The following NRG3 variants were observed in gnomAD, a reference collection of about 807,000 sequenced individuals.
NRG3 encodes the protein pro-neuregulin-3, membrane-bound isoform.
In NRG3, 31 loss-of-function variants were observed where a neutral mutation model predicts 66.9. That is an observed-to-expected ratio of 0.46 (90% CI 0.35 to 0.63). The LOEUF (loss-of-function observed/expected upper bound fraction) is 0.63, where lower values mean the gene tolerates loss of function less well. NRG3 is among the 20% of genes least tolerant of loss of function. NRG3 has a pLI of 0.00. For missense variants in NRG3, 910 were observed against 878.9 expected (o/e 1.04, Z -0.45); for synonymous variants, 393 against 359.4 (o/e 1.09, Z -1.06).
chr10:82,534,352 G>C (rs1022065231), intron 2 of NRG3, among the ~76,000 whole-genome samples: 2 of 151,446 alleles, frequency 1.3e-5, no homozygotes, highest in Non-Finnish European at 2.9e-5. Context: ...CAACCTCCGC[G>C]CTCCCGGGTT....
chr10:82,601,114 A>G (rs2133395318), intron 2 of NRG3, among the ~76,000 whole-genome samples: 1 of 152,286 alleles, frequency 6.6e-6, no homozygotes, highest in Admixed American at 6.5e-5. Context: ...TTGCTGCAAA[A>G]GATATGATTT....
At chr10:82,761,972 CTTT>C (rs1173006322) in intron 3 of NRG3, among the ~76,000 whole-genome samples, 1 of 59,160 alleles carries the variant, frequency 1.7e-5, no homozygotes, top group African/African-American at 6.3e-5. Context: ...TTCTTTCTTT[CTTT>C]TCTTTCTTTC....
intron 2 of NRG3, among the ~76,000 whole-genome samples, chr10:82,479,618 C>T (rs1352077934): frequency 1.1e-4 from 15 of 130,674 alleles, no homozygotes; most frequent in African/African-American, 4.1e-4. Flanking sequence ...GAGCCGAGGT[C>T]GCGCCATTGC....
intron 1 of NRG3, among the ~76,000 whole-genome samples, chr10:82,085,996 T>G (rs1270446643): frequency 1.3e-5 from 2 of 152,102 alleles, no homozygotes; most frequent in Non-Finnish European, 2.9e-5. Flanking sequence ...GGATTAAATA[T>G]TCAACAAATG....
intron 4 of NRG3, among the ~76,000 whole-genome samples, chr10:82,936,637 T>C (rs1177842525): frequency 2.0e-5 from 3 of 152,168 alleles, no homozygotes; most frequent in Non-Finnish European, 4.4e-5. Flanking sequence ...GATAACCATG[T>C]GAGGTAATGT....
chr10:82,804,498 G>A (rs1429593041), intron 3 of NRG3, among the ~76,000 whole-genome samples: 1 of 152,136 alleles, frequency 6.6e-6, no homozygotes, highest in Non-Finnish European at 1.5e-5. Context: ...TCCACAGGGG[G>A]TCGAGGATAA....
chr10:82,011,717 G>T (rs1331994179), intron 1 of NRG3, among the ~76,000 whole-genome samples: 1 of 152,170 alleles, frequency 6.6e-6, no homozygotes, highest in Non-Finnish European at 1.5e-5. Flanking sequence ...ATGCAAGTCT[G>T]AAATCCAGCG....
chr10:82,585,543 T>G (rs954532743), intron 2 of NRG3, among the ~76,000 whole-genome samples: 2 of 152,140 alleles, frequency 1.3e-5, no homozygotes, highest in African/African-American at 4.8e-5. Flanking sequence ...ACCCCTCTTC[T>G]CCGGCTACAC....
At chr10:82,230,024 T>C (rs1452990114) in intron 1 of NRG3, 2 of 152,126 alleles carry the variant, frequency 1.3e-5, no homozygotes, top group East Asian at 1.9e-4. Flanking sequence ...GTTCAGCATA[T>C]GCATAAGTGG....
At chr10:82,586,388 C>A (rs2046670574) in intron 2 of NRG3, among the ~76,000 whole-genome samples, 1 of 152,116 alleles carries the variant, frequency 6.6e-6, no homozygotes, top group African/African-American at 2.4e-5. Context: ...CCCAAAATGG[C>A]CTTGAAAGGC....
chr10:82,584,083 C>T (rs888800521), intron 2 of NRG3, among the ~76,000 whole-genome samples: 2 of 152,002 alleles, frequency 1.3e-5, no homozygotes, highest in Non-Finnish European at 2.9e-5. Flanking sequence ...GTTGATGTTT[C>T]ATTTGAATTT....
chr10:82,785,240 A>T (rs950704661), intron 3 of NRG3, among the ~76,000 whole-genome samples: 15 of 151,978 alleles, frequency 9.9e-5, no homozygotes, highest in Non-Finnish European at 2.2e-4. Context: ...GCATTAGGAG[A>T]TATACCTAAT....
chr10:82,245,310 G>A (rs750573371), intron 1 of NRG3, among the ~76,000 whole-genome samples: 5 of 152,070 alleles, frequency 3.3e-5, no homozygotes, highest in African/African-American at 9.7e-5. Context: ...GACAGGAGAC[G>A]GAGCTCAGGT....
At chr10:81,946,129 G>T (rs989323833) in intron 1 of NRG3, among the ~76,000 whole-genome samples, 4 of 151,776 alleles carry the variant, frequency 2.6e-5, no homozygotes, top group Non-Finnish European at 5.9e-5. Context: ...CAATTCTCCT[G>T]CCTCAGCCTC....
At chr10:81,970,078 C>T (rs1457969463) in intron 1 of NRG3, among the ~76,000 whole-genome samples, 5 of 152,072 alleles carry the variant, frequency 3.3e-5, no homozygotes, top group Non-Finnish European at 7.4e-5. Context: ...ATGTTTGTAC[C>T]TATTAAGGGT....
chr10:82,335,278 G>A (rs531648582), intron 1 of NRG3, among the ~76,000 whole-genome samples: 1 of 152,268 alleles, frequency 6.6e-6, no homozygotes, highest in African/African-American at 2.4e-5. Flanking sequence ...AACCAATGAT[G>A]GCTCAGCAGG....
At position 82,631,279 on chromosome 10, in the gene NRG3, C is replaced by A. The variant is rs949977640; in HGVS notation, c.954-107298C>A. Reference sequence around the variant, plus strand: ...ATGACAGACACCAATTCAAATTCCCCGGATGAGGGAGAGCCGTCTTGCTAG... The same window carrying A: ...ATGACAGACACCAATTCAAATTCCCAGGATGAGGGAGAGCCGTCTTGCTAG... On this transcript the variant is annotated intron_variant, in intron 2 of 8. Coordinates refer to ENST00000372141, the MANE Select transcript of NRG3 (RefSeq NM_001010848.4). Among the ~76,000 whole-genome samples the A allele has an allele frequency of 2.6e-5, 4 of 152,080 alleles. No individual in the cohort carries two copies. The South Asian group carries it at 8.3e-4, about 32-fold the overall frequency.
chr10:82,856,364 C>T (rs544270386), intron 3 of NRG3, among the ~76,000 whole-genome samples: 1 of 152,196 alleles, frequency 6.6e-6, no homozygotes, highest in South Asian at 2.1e-4. Context: ...CAAATATGAC[C>T]TTCAGTTTTA....
At position 82,140,549 on chromosome 10, in the gene NRG3, G is replaced by T. The variant is rs184523351; in HGVS notation, c.824-218190G>T. 5.3e-5 allele frequency among the ~76,000 whole-genome samples: 8 copies of T among 152,096 alleles called. No individual in the cohort carries two copies. In the East Asian group the frequency reaches 1.5e-3, roughly 29 times the overall value. On this transcript the variant is annotated intron_variant, in intron 1 of 8. Coordinates refer to ENST00000372141, the MANE Select transcript of NRG3 (RefSeq NM_001010848.4). ...AAAAATTAAGACCTGAATAATTTATGACTTCTTCTAATCTCAACAGAAATA... is the reference window on the plus strand; with the variant it reads ...AAAAATTAAGACCTGAATAATTTATTACTTCTTCTAATCTCAACAGAAATA...
Sources: gnomAD v4.1 joint callset for allele counts (sites outside exome capture counted in the v4.1 genomes callset) on GRCh38, gnomAD v4.1.1 for gene constraint, MANE v1.5 for transcripts, NCBI Gene and HGNC (gene_info 2026-07-23, HGNC 2026-07-21) for gene names.